The following PLAC1 variants were observed in gnomAD, a reference collection of about 807,000 sequenced individuals.
PLAC1 encodes the protein placenta associated 1, also known as placenta-specific protein 1.
For synonymous variants in PLAC1, 68 were observed against 62.1 expected (o/e 1.09, Z -0.44); for missense variants, 136 against 163.2 (o/e 0.83, Z 0.91).
chrX:134,592,322 A>T (rs1167631064), intron 2 of PLAC1, among the ~76,000 whole-genome samples: 1 of 112,204 alleles, frequency 8.9e-6, no homozygotes, highest in Non-Finnish European at 1.9e-5. Flanking sequence ...TGAGTCTTAG[A>T]CTGAGCTTTG....
chrX:134,707,521 C>T (rs1441537375), intron 2 of PLAC1, among the ~76,000 whole-genome samples: 1 of 111,545 alleles, frequency 9.0e-6, no homozygotes, highest in Non-Finnish European at 1.9e-5. Flanking sequence ...GTGATGTTCC[C>T]CGCCCTGTGT....
At chrX:134,687,900 T>A in intron 2 of PLAC1, among the ~76,000 whole-genome samples, 1 of 87,311 alleles carries the variant, frequency 1.1e-5, no homozygotes. Flanking sequence ...ACATTGTCAA[T>A]TCTCAATACA....
chrX:134,639,601 A>G (rs779384567), intron 1 of PLAC1, among the ~76,000 whole-genome samples: 1 of 112,156 alleles, frequency 8.9e-6, no homozygotes, highest in East Asian at 2.8e-4. Context: ...ATTCACATAA[A>G]ATTAAACATT....
chrX:134,737,161 G>A (rs1339336882), intron 1 of PLAC1, among the ~76,000 whole-genome samples: 1 of 112,576 alleles, frequency 8.9e-6, no homozygotes, highest in Non-Finnish European at 1.9e-5. Context: ...GCATGGAGGC[G>A]CTGCCCCATT....
chrX:134,634,802 C>T (rs2078276376), intron 1 of PLAC1, among the ~76,000 whole-genome samples: 1 of 112,079 alleles, frequency 8.9e-6, no homozygotes, highest in Admixed American at 9.4e-5. Flanking sequence ...CTCTTCTTGG[C>T]TATTATGAAT....
chrX:134,601,755 A>ACACTAT (rs1342967235), intron 2 of PLAC1: 2 of 112,377 alleles, frequency 1.8e-5, no homozygotes, highest in Non-Finnish European at 3.8e-5. Context: ...TTGAGTAAAG[A>ACACTAT]CACTATGCTA....
At chrX:134,573,673 G>A (rs1000002593) in intron 2 of PLAC1, among the ~76,000 whole-genome samples, 1 of 111,855 alleles carries the variant, frequency 8.9e-6, no homozygotes, top group African/African-American at 3.2e-5. Flanking sequence ...TGGGATTTTT[G>A]AGTACAGGTT....
At chrX:134,695,865 T>C (rs1273241296) in intron 2 of PLAC1, among the ~76,000 whole-genome samples, 7 of 110,970 alleles carry the variant, frequency 6.3e-5, no homozygotes, top group Non-Finnish European at 9.4e-5. Flanking sequence ...ATTTTCCCCT[T>C]TTGTAAACTG....
intron 2 of PLAC1, among the ~76,000 whole-genome samples, chrX:134,665,658 A>G (rs187962279): frequency 3.5e-4 from 39 of 111,238 alleles, no homozygotes; most frequent in Non-Finnish European, 6.0e-4. Context: ...AGGGGAGAAG[A>G]CACAAGCTGA....
chrX:134,640,728 C>T (rs1168765643), intron 1 of PLAC1, among the ~76,000 whole-genome samples: 1 of 112,376 alleles, frequency 8.9e-6, no homozygotes, highest in Admixed American at 9.4e-5. Context: ...CTCCTCAAGG[C>T]AGTAACTGTG....
At chrX:134,662,732 C>G (rs2078420818), upstream of PLAC1, among the ~76,000 whole-genome samples, 1 of 112,052 alleles carries the variant, frequency 8.9e-6, no homozygotes. Flanking sequence ...GAGTTCGAGA[C>G]TAGCCTGCTC....
At chrX:134,611,886 G>T (rs1738519903) in intron 1 of PLAC1, among the ~76,000 whole-genome samples, 2 of 111,427 alleles carry the variant, frequency 1.8e-5, no homozygotes, top group South Asian at 7.6e-4. Flanking sequence ...GGGTGCTATG[G>T]TTTCTCAGGC....
At chrX:134,708,145 G>A (rs192017715) in intron 2 of PLAC1, among the ~76,000 whole-genome samples, 45 of 111,906 alleles carry the variant, frequency 4.0e-4, no homozygotes, top group African/African-American at 1.3e-3. Flanking sequence ...GAACGGGTTC[G>A]ACCAACTATG....
chrX:134,637,527 G>A (rs2078288929), intron 1 of PLAC1, among the ~76,000 whole-genome samples: 1 of 111,778 alleles, frequency 8.9e-6, no homozygotes, highest in Non-Finnish European at 1.9e-5. Flanking sequence ...AGATAGTAAA[G>A]GGTTGAAATT....
At chrX:134,603,144 G>A (rs2078096561) in intron 1 of PLAC1, among the ~76,000 whole-genome samples, 1 of 99,742 alleles carries the variant, frequency 1.0e-5, no homozygotes, top group Non-Finnish European at 2.0e-5. Context: ...TAGAGATTCA[G>A]AAGTAACTAT....
chrX:134,680,525 AAACTG>A (rs1316916009), intron 2 of PLAC1, among the ~76,000 whole-genome samples: 1 of 102,151 alleles, frequency 9.8e-6, no homozygotes, highest in African/African-American at 3.7e-5. Context: ...TTCCTAAACT[AAACTG>A]AACTAAACTA....
chrX:134,726,116 G>A (rs1012450324), intron 2 of PLAC1, among the ~76,000 whole-genome samples: 7 of 111,519 alleles, frequency 6.3e-5, no homozygotes, highest in South Asian at 3.8e-4. Context: ...CTATTTTTCC[G>A]TCTTAGAATG....
chrX:134,640,245 G>T (rs1373508723), intron 1 of PLAC1, among the ~76,000 whole-genome samples: 1 of 112,013 alleles, frequency 8.9e-6, no homozygotes, highest in Non-Finnish European at 1.9e-5. Flanking sequence ...CATCTGTGAA[G>T]CTGACCTAGG....
In PLAC1 at chrX:134,657,315, G is replaced by T. The variant is rs776144862; in HGVS notation, c.-131+1013C>A. Among the ~76,000 whole-genome samples the T allele has an allele frequency of 4.5e-5, 5 of 112,174 alleles. No individual in the cohort carries two copies. In the South Asian group the frequency reaches 1.9e-3, roughly 42 times the overall value. The stretch of plus-strand genomic sequence containing the variant: ...ATGCATTCAGTACCCTAATAAGCCC[G>T]TCATAATGTCAAAAAATTGCAAGCC... On this transcript the variant is annotated intron_variant, in intron 1 of 2. Coordinates refer to ENST00000359237, the MANE Select transcript of PLAC1 (RefSeq NM_021796.4).
Sources: allele counts gnomAD v4.1 joint callset (sites outside exome capture counted in the v4.1 genomes callset), GRCh38; gene constraint gnomAD v4.1.1; transcripts MANE v1.5; gene names NCBI Gene and HGNC (gene_info 2026-07-23, HGNC 2026-07-21).